Variants in ITPR2 observed in about 807,000 individuals in gnomAD.
ITPR2 encodes inositol 1,4,5-trisphosphate-gated calcium channel ITPR2.
In ITPR2, 207 loss-of-function variants were observed where a neutral mutation model predicts 317.1. The observed-to-expected ratio is 0.65, with a 90% confidence interval of 0.58 to 0.73. The LOEUF is 0.73. Among genes scored for constraint, ITPR2 ranks in the 30% least tolerant of loss-of-function variants. The pLI is 0.00. For missense variants in ITPR2, 2,613 were observed against 3,284.0 expected (o/e 0.80, Z 4.99); for synonymous variants, 1,156 against 1,149.1 (o/e 1.01, Z -0.12).
chr12:26,736,581 G>T (rs1304491031), intron 2 of ITPR2, among the ~76,000 whole-genome samples: 1 of 152,126 alleles, frequency 6.6e-6, no homozygotes, highest in East Asian at 1.9e-4. Context: ...ATGCCCTATA[G>T]CCCTGTGTGC....
intron 11 of ITPR2, among the ~76,000 whole-genome samples, chr12:26,684,936 GA>G (rs1042842034): frequency 1.9e-4 from 28 of 146,906 alleles, no homozygotes; most frequent in African/African-American, 6.2e-4. Context: ...TATATTGATG[GA>G]AAAAAAAAAG....
At chr12:26,397,358 G>A (rs1940031916) in intron 54 of ITPR2, among the ~76,000 whole-genome samples, 1 of 151,406 alleles carries the variant, frequency 6.6e-6, no homozygotes, top group Admixed American at 6.6e-5. Flanking sequence ...ACTTTGATCT[G>A]GCAACCTCTC....
intron 2 of ITPR2, among the ~76,000 whole-genome samples, chr12:26,730,825 C>G (rs1217287870): frequency 6.6e-6 from 1 of 152,192 alleles, no homozygotes; most frequent in African/African-American, 2.4e-5. Flanking sequence ...AATACGAAAG[C>G]CACTCAAATG....
intron 45 of ITPR2, among the ~76,000 whole-genome samples, chr12:26,464,999 C>T (rs567961580): frequency 7.2e-5 from 11 of 152,274 alleles, no homozygotes; most frequent in African/African-American, 2.6e-4. Flanking sequence ...AGGAACAAGC[C>T]TGGTGTGCAG....
Position 26,774,665 on chromosome 12 carries a change from A to G in ITPR2, c.163+15492T>C, listed in dbSNP as rs574641107. ...GGTCTTTCAATTAAAGAAACAGATA[A>G]AATTCTGACGATCCACAAGAATGTG... On this transcript the variant is annotated intron_variant, in intron 2 of 56. Transcript: ENST00000381340. 2.0e-5 allele frequency among the ~76,000 whole-genome samples: 3 copies of G among 152,324 alleles called. No homozygotes were observed. In the South Asian group the frequency reaches 6.2e-4, roughly 32 times the overall value.
At chr12:26,700,601 C>T (rs1461123617) in intron 9 of ITPR2, among the ~76,000 whole-genome samples, 1 of 152,160 alleles carries the variant, frequency 6.6e-6, no homozygotes, top group East Asian at 1.9e-4. Flanking sequence ...TAGCACGCTG[C>T]TTCCCTCCTG....
intron 28 of ITPR2, among the ~76,000 whole-genome samples, chr12:26,600,806 C>T (rs1200334112): frequency 1.3e-5 from 2 of 151,998 alleles, no homozygotes; most frequent in Non-Finnish European, 2.9e-5. Context: ...TTCCTCCACT[C>T]TGTCAATCTT....
At chr12:26,648,725 A>G (rs1163803791) in intron 21 of ITPR2, 1 of 152,166 alleles carries the variant, frequency 6.6e-6, no homozygotes, top group African/African-American at 2.4e-5. Context: ...GTTGATCTTT[A>G]AAATAATATT....
chr12:26,531,955 A>T (rs1217859612), intron 37 of ITPR2, among the ~76,000 whole-genome samples: 2 of 152,244 alleles, frequency 1.3e-5, no homozygotes, highest in Admixed American at 6.5e-5. Flanking sequence ...AACTTTACAC[A>T]CAAGAAAATA....
chr12:26,741,851 G>A (rs1319309436), intron 2 of ITPR2, among the ~76,000 whole-genome samples: 3 of 152,172 alleles, frequency 2.0e-5, no homozygotes, highest in South Asian at 2.1e-4. Context: ...GTAACTAAAC[G>A]AACACAGTCA....
chr12:26,466,672 C>A (rs969970278), intron 45 of ITPR2, among the ~76,000 whole-genome samples: 5 of 152,146 alleles, frequency 3.3e-5, no homozygotes, highest in Admixed American at 2.0e-4. Flanking sequence ...GTTTACTTTG[C>A]AAATGCAGCT....
chr12:26,602,612 C>T lies in ITPR2; in HGVS notation c.3552+5G>A. On this transcript the variant is annotated splice_donor_5th_base_variant and intron_variant, in intron 27 of 56. Transcript: ENST00000381340. ...CCTATATAAGAATATTTTGTATCTG[C>T]CGACCTCCTTTACAATCCGGTAGTT... 6.2e-7 allele frequency: 1 copy of T among 1,603,588 alleles called. No homozygotes were observed. Among genetic ancestry groups the T allele is most frequent in the Middle Eastern group, 1.7e-4 (1 of 6,042 alleles).
At chr12:26,787,601 G>T (rs150761829) in intron 2 of ITPR2, among the ~76,000 whole-genome samples, 17 of 152,226 alleles carry the variant, frequency 1.1e-4, no homozygotes, top group African/African-American at 4.1e-4. Flanking sequence ...CCCATGAAGC[G>T]TAAATGTTTA....
At chr12:26,380,060 A>C (rs1255348593) in intron 55 of ITPR2, among the ~76,000 whole-genome samples, 1 of 152,176 alleles carries the variant, frequency 6.6e-6, no homozygotes, top group Non-Finnish European at 1.5e-5. Context: ...CTTATTCTCC[A>C]TGGCAATTCT....
intron 37 of ITPR2, among the ~76,000 whole-genome samples, chr12:26,510,115 A>G (rs1024934650): frequency 6.6e-6 from 1 of 152,022 alleles, no homozygotes; most frequent in Non-Finnish European, 1.5e-5. Context: ...TGCTCTCATC[A>G]TAAGCTTTAT....
intron 1 of ITPR2, among the ~76,000 whole-genome samples, chr12:26,793,989 G>A (rs926744851): frequency 1.3e-5 from 2 of 151,748 alleles, no homozygotes; most frequent in Non-Finnish European, 2.9e-5. Flanking sequence ...AGCCAAACAG[G>A]CAATTATAGC....
chr12:26,351,126 C>T (rs1382757426), intron 55 of ITPR2, among the ~76,000 whole-genome samples: 1 of 152,190 alleles, frequency 6.6e-6, no homozygotes, highest in Non-Finnish European at 1.5e-5. Context: ...GGATGAGTGA[C>T]CACCTCTGAT....
At chr12:26,671,071 G>C (rs201594554) in intron 13 of ITPR2, among the ~76,000 whole-genome samples, 29,650 of 151,332 alleles carry the variant, frequency 0.2, 3,422 homozygotes, top group East Asian at 0.53. Flanking sequence ...ATCTACGTCT[G>C]ATTGGTGTAC....
intron 2 of ITPR2, among the ~76,000 whole-genome samples, chr12:26,755,557 C>G (rs1479027327): frequency 1.3e-5 from 2 of 152,160 alleles, no homozygotes; most frequent in African/African-American, 2.4e-5. Flanking sequence ...TGAACAAACT[C>G]CTGTGAACAA....
Sources: gnomAD v4.1 joint callset for allele counts (sites outside exome capture counted in the v4.1 genomes callset) on GRCh38, gnomAD v4.1.1 for gene constraint, MANE v1.5 for transcripts, NCBI Gene and HGNC (gene_info 2026-07-23, HGNC 2026-07-21) for gene names.